The following SNX14 variants were observed in gnomAD, a reference collection of about 807,000 sequenced individuals.
SNX14 encodes the protein sorting nexin-14.
A neutral mutation model predicts 133.8 loss-of-function variants in SNX14; 93 were observed. That is an observed-to-expected ratio of 0.70 (90% CI 0.59 to 0.83). SNX14 has a LOEUF of 0.83. SNX14 is among the 40% of genes least tolerant of loss of function. SNX14 has a pLI of 0.00. For missense variants in SNX14, 945 were observed against 1,094.9 expected (o/e 0.86, Z 1.93); for synonymous variants, 368 against 365.6 (o/e 1.01, Z -0.07).
chr6:85,522,349 T>C (rs1777163188), intron 21 of SNX14, among the ~76,000 whole-genome samples: 1 of 152,214 alleles, frequency 6.6e-6, no homozygotes, highest in South Asian at 2.1e-4. Flanking sequence ...CTAAAGTGTG[T>C]TACCTACTTG....
At chr6:85,524,051 G>A (rs546138049) in intron 21 of SNX14, among the ~76,000 whole-genome samples, 28 of 152,016 alleles carry the variant, frequency 1.8e-4, no homozygotes, top group Non-Finnish European at 2.5e-4. Flanking sequence ...GCTAGGTGGC[G>A]TGTGCCTGTA....
At chr6:85,576,170 T>C (rs1363677229) in intron 1 of SNX14, among the ~76,000 whole-genome samples, 1 of 152,072 alleles carries the variant, frequency 6.6e-6, no homozygotes, top group Non-Finnish European at 1.5e-5. Flanking sequence ...TTACAGACCC[T>C]CACTACCAGA....
At chr6:85,582,793 CA>C (rs1051432299) in intron 1 of SNX14, among the ~76,000 whole-genome samples, 76 of 152,008 alleles carry the variant, frequency 5.0e-4, no homozygotes, top group African/African-American at 1.7e-3. Flanking sequence ...GCCTACCAAC[CA>C]AAAAAAGCCC....
Position 85,543,611 on chromosome 6 carries a change from G to C in SNX14, c.1258C>G (p.Gln420Glu). 1.9e-6 allele frequency: 3 copies of C among 1,570,874 alleles called. No individual in the cohort carries two copies. The highest frequency in any genetic ancestry group is 2.6e-6 in the Non-Finnish European group (3 of 1,156,010). Residue 420 changes from glutamine (Q) to glutamate (E), a missense_variant, in exon 13 of 29, where the codon CAA becomes GAA. Around this residue, in one of 3 missense-constraint regions of SNX14, gnomAD observed 514 missense variants for 538.8 expected, o/e 0.95. Transcript: ENST00000314673. ...RFDPFIVEEI[Q>E]RIAEGPYIDV... is the part of the protein sequence containing the mutation. ...CTTATCGTCTTTGACTTACTTCTTT[G>C]AATCTCTTCTACAATGAAGGGATCA...
chr6:85,544,375 A>T (rs1182673644), intron 12 of SNX14, among the ~76,000 whole-genome samples: 1 of 152,188 alleles, frequency 6.6e-6, no homozygotes, highest in African/African-American at 2.4e-5. Flanking sequence ...AAGCTGGAAT[A>T]CAGGATATAA....
At chr6:85,536,749 A>C in intron 17 of SNX14, 43 bp downstream of exon 17, 1 of 1,575,928 alleles carries the variant, frequency 6.3e-7, no homozygotes, top group Non-Finnish European at 8.6e-7. Context: ...TGTCATAGTA[A>C]GTCTGAAGTT....
intron 7 of SNX14, among the ~76,000 whole-genome samples, chr6:85,556,968 TG>T (rs1302118564): frequency 1.3e-5 from 2 of 152,122 alleles, no homozygotes; most frequent in African/African-American, 4.8e-5. Flanking sequence ...TGATACTATG[TG>T]GGGGGAAAAA....
At chr6:85,538,979 A>C in intron 15 of SNX14, 115 bp from the exon 16 acceptor site, 1 of 799,330 alleles carries the variant, frequency 1.3e-6, no homozygotes, top group Non-Finnish European at 1.9e-6. Context: ...GAAGTTACAC[A>C]GGTGTATAAC....
At position 85,586,582 on chromosome 6, in the gene SNX14, T is replaced by A. The variant is rs922129114; in HGVS notation, c.140+6997A>T. Among the ~76,000 whole-genome samples, 23 of 152,294 alleles carry A rather than the reference T, an allele frequency of 1.5e-4. No individual in the cohort carries two copies. The East Asian group carries it at 4.4e-3, about 29-fold the overall frequency. On this transcript the variant is annotated intron_variant, in intron 1 of 28. Coordinates refer to ENST00000314673, the MANE Select transcript of SNX14 (RefSeq NM_153816.6). ...TTTTGTATGGAAGTGATTTTTTTTT[T>A]ATTTCTATCTTTTATAGAGACATGG...
At chr6:85,521,607 G>C (rs1776882971) in intron 21 of SNX14, among the ~76,000 whole-genome samples, 1 of 152,010 alleles carries the variant, frequency 6.6e-6, no homozygotes. Context: ...CATTCTACAG[G>C]TTGTCTCTTC....
intron 15 of SNX14, among the ~76,000 whole-genome samples, chr6:85,541,417 C>A (rs1285692716): frequency 6.6e-6 from 1 of 152,212 alleles, no homozygotes; most frequent in Admixed American, 6.5e-5. Context: ...GAGAGCAAAT[C>A]TATAAATCTA....
At chr6:85,580,560 G>T (rs901410844) in intron 1 of SNX14, among the ~76,000 whole-genome samples, 1 of 152,134 alleles carries the variant, frequency 6.6e-6, no homozygotes, top group Non-Finnish European at 1.5e-5. Context: ...CCAGGCCTTG[G>T]CTCTTAGATG....
chr6:85,562,972 T>TC (rs1792255814), intron 6 of SNX14, among the ~76,000 whole-genome samples: 1 of 152,146 alleles, frequency 6.6e-6, no homozygotes, highest in African/African-American at 2.4e-5. Context: ...GAACTTGTTT[T>TC]CCATACATCA....
intron 12 of SNX14, among the ~76,000 whole-genome samples, 191 bp from the exon 13 acceptor site, chr6:85,543,951 T>C (rs923099845): frequency 6.6e-6 from 1 of 152,102 alleles, no homozygotes; most frequent in African/African-American, 2.4e-5. Context: ...CAACCAGTTT[T>C]TATACATTAA....
At chr6:85,508,161 GC>G in intron 26 of SNX14, 102 bp from the exon 27 acceptor site, 1 of 1,461,364 alleles carries the variant, frequency 6.8e-7, no homozygotes, top group Non-Finnish European at 9.0e-7. Flanking sequence ...CAGATACTAG[GC>G]AAAAACTGCA....
chr6:85,506,441 C>T (rs909378553), intron 28 of SNX14, among the ~76,000 whole-genome samples: 9 of 152,114 alleles, frequency 5.9e-5, no homozygotes, highest in African/African-American at 1.4e-4. Flanking sequence ...GTCAGCCTCC[C>T]GAGTAGGTGG....
intron 4 of SNX14, chr6:85,568,620 A>G (rs1355872174): frequency 6.6e-6 from 1 of 152,196 alleles, no homozygotes; most frequent in African/African-American, 2.4e-5. Flanking sequence ...GAGTTGCAAC[A>G]TTGGGCAGTA....
At chr6:85,576,020 TTAC>T (rs1452371072) in intron 1 of SNX14, among the ~76,000 whole-genome samples, 3 of 152,196 alleles carry the variant, frequency 2.0e-5, no homozygotes, top group Non-Finnish European at 4.4e-5. Context: ...ACTACTCACT[TTAC>T]TATTTTTTTC....
At chr6:85,564,850 G>C (rs899432940) in intron 6 of SNX14, among the ~76,000 whole-genome samples, 7 of 151,912 alleles carry the variant, frequency 4.6e-5, no homozygotes, top group African/African-American at 1.7e-4. Context: ...TTAGCCGGGC[G>C]TGGTGGCATA....
Sources: allele counts gnomAD v4.1 joint callset (sites outside exome capture counted in the v4.1 genomes callset), GRCh38; gene constraint gnomAD v4.1.1; regional missense constraint gnomAD v4.1.1; transcripts MANE v1.5; gene names NCBI Gene and HGNC (gene_info 2026-07-23, HGNC 2026-07-21).